KPNA7: variants seen among roughly 807,000 people sequenced by gnomAD.
The protein encoded by KPNA7 is karyopherin subunit alpha 7.
KPNA7 carries 54 observed loss-of-function variants against 53.7 expected under a neutral mutation model. The ratio of observed to expected loss-of-function variants is 1.01; its 90% CI spans 0.81 to 1.26. The LOEUF (loss-of-function observed/expected upper bound fraction) is 1.26. Among genes scored for constraint, KPNA7 ranks in the 50% most tolerant of loss-of-function variants. The probability of loss-of-function intolerance (pLI) is 0.00; values close to 1 mark genes in which losing one functional copy is unlikely to be tolerated. For missense variants in KPNA7, 640 were observed against 644.5 expected (o/e 0.99, Z 0.07); for synonymous variants, 276 against 259.3 (o/e 1.06, Z -0.62).
intron 2 of KPNA7, among the ~76,000 whole-genome samples, chr7:99,205,135 G>T (rs2150773875): frequency 6.6e-6 from 1 of 151,932 alleles, no homozygotes; most frequent in South Asian, 2.1e-4. Context: ...GAGTGATTTG[G>T]TTCCTGGGCC....
upstream of KPNA7, among the ~76,000 whole-genome samples, chr7:99,208,348 C>T (rs1195119405): frequency 3.3e-5 from 5 of 152,070 alleles, no homozygotes; most frequent in Admixed American, 6.5e-5. Flanking sequence ...CTCCGCCTCC[C>T]GGGTTCACGC....
chr7:99,203,245 T>C lies in KPNA7; in HGVS notation c.67-5A>G. Reference sequence around the variant, plus strand: ...CATCCTCTGCTGTCGCCTCAGCTAGTGAGGAAAAGAAATTGGAGCATTTAG... The same window carrying C: ...CATCCTCTGCTGTCGCCTCAGCTAGCGAGGAAAAGAAATTGGAGCATTTAG... On this transcript the variant is annotated splice_region_variant and splice_polypyrimidine_tract_variant and intron_variant, in intron 2 of 10. Transcript: ENST00000327442. 3 of 1,549,400 alleles carry C rather than the reference T, an allele frequency of 1.9e-6. No individual in the cohort carries two copies. Among genetic ancestry groups the C allele is most frequent in the Non-Finnish European group, 2.6e-6 (3 of 1,145,028 alleles).
chr7:99,168,386 T>C, the KPNA7 span, among the ~76,000 whole-genome samples: 326 of 152,132 alleles, frequency 2.1e-3, 2 homozygotes, highest in East Asian at 0.04. Flanking sequence ...GGGGTTAGTA[T>C]CCCCAACAGA....
downstream of KPNA7, among the ~76,000 whole-genome samples, chr7:99,172,103 TATG>T (rs1798780849): frequency 6.6e-6 from 1 of 152,174 alleles, no homozygotes; most frequent in Non-Finnish European, 1.5e-5. Context: ...TTTACATCAT[TATG>T]ATAAAATCTG....
intron 9 of KPNA7, among the ~76,000 whole-genome samples, chr7:99,179,058 T>C (rs71567527): frequency 0.061 from 9,288 of 151,926 alleles, 346 homozygotes; most frequent in South Asian, 0.12. Context: ...ATTACAAGCA[T>C]GAGCCAATGC....
chr7:99,210,835 C>A (rs553663936), upstream of KPNA7, among the ~76,000 whole-genome samples: 1 of 152,010 alleles, frequency 6.6e-6, no homozygotes, highest in Non-Finnish European at 1.5e-5. Flanking sequence ...AATCCTCCCC[C>A]TCAGCCTCCC....
chr7:99,182,008 C>T lies in KPNA7; in HGVS notation c.1192G>A (p.Ala398Thr). The T allele has an allele frequency of 6.5e-7, 1 of 1,549,546 alleles. No individual in the cohort carries two copies. Among genetic ancestry groups the T allele is most frequent in the Non-Finnish European group, 8.7e-7 (1 of 1,145,326 alleles). Residue 398 changes from alanine (A) to threonine (T), a missense_variant, in exon 9 of 11, where the codon GCC becomes ACC. Ala to Thr is a moderately conservative substitution (Grantham distance 58). Coordinates refer to ENST00000327442, the MANE Select transcript of KPNA7 (RefSeq NM_001145715.3). ...AGCTGGATCAGCTGATCCATGGTGG[C>T]CCCTGTTGCAAAGTTCGCCACCATC... ...VWMVANFATGATMDQLIQLVH... is the reference protein window; with the variant it reads ...VWMVANFATGTTMDQLIQLVH...
intron 1 of KPNA7, among the ~76,000 whole-genome samples, chr7:99,214,394 G>A (rs1791152626): frequency 6.6e-6 from 1 of 150,934 alleles, no homozygotes; most frequent in Admixed American, 6.6e-5. Flanking sequence ...AGTGAGCTGA[G>A]ATCGCACCAC....
At chr7:99,213,242 T>C (rs1051303705) in intron 1 of KPNA7, among the ~76,000 whole-genome samples, 3 of 151,306 alleles carry the variant, frequency 2.0e-5, no homozygotes, top group African/African-American at 7.3e-5. Flanking sequence ...TTCTCCTGTC[T>C]CAGCCTCCCA....
chr7:99,202,349 G>A (rs12705034), intron 3 of KPNA7, among the ~76,000 whole-genome samples: 12,491 of 152,102 alleles, frequency 0.082, 552 homozygotes, highest in South Asian at 0.15. Context: ...CACAGAAACC[G>A]GACTAACCTT....
chr7:99,182,258 C>T (rs185673090), intron 8 of KPNA7, among the ~76,000 whole-genome samples, 193 bp from the exon 9 acceptor site: 9 of 152,094 alleles, frequency 5.9e-5, no homozygotes, highest in African/African-American at 1.2e-4. Context: ...AGTGCAGTGG[C>T]GCAATCTCAG....
the KPNA7 span, among the ~76,000 whole-genome samples, chr7:99,158,567 G>A: frequency 2.0e-5 from 3 of 151,832 alleles, no homozygotes; most frequent in African/African-American, 4.8e-5. Context: ...GCAGTGGCAC[G>A]ATCTCGGCTC....
chr7:99,169,187 A>T (rs1798727681), downstream of KPNA7, among the ~76,000 whole-genome samples: 1 of 152,014 alleles, frequency 6.6e-6, no homozygotes, highest in South Asian at 2.1e-4. Context: ...ATGTAAACTG[A>T]AACAATTTTA....
rs187846639 is a variant in KPNA7, at chr7:99,175,706, G to T, written c.1465-1912C>A. 3.6e-3 allele frequency among the ~76,000 whole-genome samples: 536 copies of T among 150,834 alleles called. 1 individual carries two copies. Among genetic ancestry groups the T allele is most frequent in the Middle Eastern group, 6.9e-3 (2 of 288 alleles). On this transcript the variant is annotated intron_variant, in intron 10 of 10. Coordinates refer to ENST00000327442, the MANE Select transcript of KPNA7 (RefSeq NM_001145715.3). ...ATTTTGTATTTTTAGTAGAGACAGG[G>T]TTTCGCCATGTTGGCCAGGCTGGTC...
At chr7:99,184,009 G>A (rs926397940) in intron 8 of KPNA7, among the ~76,000 whole-genome samples, 2 of 151,898 alleles carry the variant, frequency 1.3e-5, no homozygotes, top group African/African-American at 2.4e-5. Context: ...CACCACACCT[G>A]GCTAATTTTT....
chr7:99,164,369 T>C, the KPNA7 span, among the ~76,000 whole-genome samples: 1 of 151,960 alleles, frequency 6.6e-6, no homozygotes, highest in East Asian at 1.9e-4. Flanking sequence ...ACCATCATTC[T>C]CAGCAAACTA....
At chr7:99,181,426 T>C (rs1002482386) in intron 9 of KPNA7, among the ~76,000 whole-genome samples, 2 of 152,238 alleles carry the variant, frequency 1.3e-5, no homozygotes, top group Admixed American at 1.3e-4. Flanking sequence ...AAAAAATATC[T>C]GGCACATAGA....
chr7:99,151,658 T>C, the KPNA7 span, among the ~76,000 whole-genome samples: 5 of 151,906 alleles, frequency 3.3e-5, no homozygotes, highest in Non-Finnish European at 7.4e-5. Flanking sequence ...GTTCTCCCTA[T>C]GTTGCCCAGG....
At chr7:99,188,802 T>C (rs1789777064) in intron 6 of KPNA7, among the ~76,000 whole-genome samples, 1 of 152,082 alleles carries the variant, frequency 6.6e-6, no homozygotes. Flanking sequence ...CTCAGCCTCC[T>C]GAGTAGCTGG....
Sources: gnomAD v4.1 joint callset for allele counts (sites outside exome capture counted in the v4.1 genomes callset) on GRCh38, gnomAD v4.1.1 for gene constraint, MANE v1.5 for transcripts, NCBI Gene and HGNC (gene_info 2026-07-23, HGNC 2026-07-21) for gene names.